TNFRSF13B: variants seen among roughly 807,000 people sequenced by gnomAD.
TNFRSF13B encodes the protein TNF receptor superfamily member 13B.
Under a neutral mutation model 24.0 loss-of-function variants are expected in TNFRSF13B, and 34 were observed. The ratio of observed to expected loss-of-function variants is 1.41; its 90% CI spans 1.08 to 1.88. The LOEUF is 1.88. Ranked by LOEUF, TNFRSF13B falls within the 40% of genes most tolerant of loss-of-function variation. The pLI is 0.00. For missense variants in TNFRSF13B, 415 were observed against 380.8 expected, an observed-to-expected ratio of 1.09 and a Z score of -0.75; for synonymous variants, 173 against 150.3, an observed-to-expected ratio of 1.15 and a Z score of -1.10.
chr17:16,943,587 C>T (rs1005294662), intron 3 of TNFRSF13B, among the ~76,000 whole-genome samples: 13 of 152,198 alleles, frequency 8.5e-5, no homozygotes, highest in African/African-American at 2.4e-4. Context: ...AGAGCTCTCC[C>T]CACAGCCCTG....
At position 16,941,036 on chromosome 17, in the gene TNFRSF13B, C is replaced by T. The variant is rs1294438490; in HGVS notation, c.446-525G>A. The T allele has an allele frequency of 1.0e-5, 7 of 682,470 alleles. No homozygotes were observed. The East Asian group carries it at 5.7e-4, about 55-fold the overall frequency. 42.3% of individuals were successfully genotyped at this position (682,470 alleles called of 1,614,324 possible). On this transcript the variant is annotated intron_variant, in intron 3 of 4. Coordinates refer to ENST00000261652, the MANE Select transcript of TNFRSF13B (RefSeq NM_012452.3). ...TTGCATATAACCTATGCACATCCTC[C>T]TATACAATTAGAGTCATCTCTAGAT...
intron 1 of TNFRSF13B, 97 bp downstream of exon 1, chr17:16,971,918 C>T (rs2087747636): frequency 1.6e-6 from 2 of 1,257,634 alleles, no homozygotes; most frequent in Admixed American, 3.4e-5. Context: ...CTGCTGTGGG[C>T]TTTGCACCTG....
chr17:16,963,589 A>G (rs1418979489), intron 1 of TNFRSF13B, among the ~76,000 whole-genome samples: 1 of 152,084 alleles, frequency 6.6e-6, no homozygotes, highest in East Asian at 1.9e-4. Flanking sequence ...TGGCACTGCC[A>G]CCCAGGCTGG....
intron 3 of TNFRSF13B, chr17:16,941,233 G>T: frequency 2.0e-6 from 2 of 987,498 alleles, no homozygotes; most frequent in Non-Finnish European, 2.4e-6. Context: ...GACATGGGTC[G>T]CACGACACAG....
chr17:16,967,149 A>G (rs1398404591), intron 1 of TNFRSF13B, among the ~76,000 whole-genome samples: 2 of 151,892 alleles, frequency 1.3e-5, no homozygotes, highest in East Asian at 3.9e-4. Flanking sequence ...AATTGCAGCA[A>G]CATTTGTAAT....
At chr17:16,956,718 G>T (rs2087627259) in intron 1 of TNFRSF13B, among the ~76,000 whole-genome samples, 1 of 152,252 alleles carries the variant, frequency 6.6e-6, no homozygotes, top group South Asian at 2.1e-4. Context: ...TAACAGACAT[G>T]CAGTAACCTC....
In TNFRSF13B at chr17:16,955,029, G is replaced by A. The variant is rs139945745; in HGVS notation, c.62-2446C>T. Among the ~76,000 whole-genome samples, 889 of 152,294 alleles carry A rather than the reference G, an allele frequency of 5.8e-3. 10 individuals are homozygous for A. Among genetic ancestry groups the A allele is most frequent in the African/African-American group, 0.021 (864 of 41,562 alleles). On this transcript the variant is annotated intron_variant, in intron 1 of 4. Coordinates refer to ENST00000261652, the MANE Select transcript of TNFRSF13B (RefSeq NM_012452.3). ...AGGAAATCAGAAGTCTCTGCTCTGG[G>A]AAAACAGACCCAAAGGAAAAGACCC...
intron 1 of TNFRSF13B, among the ~76,000 whole-genome samples, chr17:16,967,058 G>C (rs1353797867): frequency 6.6e-6 from 1 of 151,916 alleles, no homozygotes; most frequent in Non-Finnish European, 1.5e-5. Context: ...AGGCTGATCT[G>C]GAACTCCTGA....
chr17:16,952,638 G>A (rs932048653), intron 1 of TNFRSF13B, 55 bp from the exon 2 acceptor site: 6 of 1,613,050 alleles, frequency 3.7e-6, no homozygotes, highest in East Asian at 4.5e-5. Context: ...CCGGCCTCTT[G>A]TCCCTGATGG....
chr17:16,966,809 G>GT (rs1168060389), intron 1 of TNFRSF13B, among the ~76,000 whole-genome samples: 3 of 145,116 alleles, frequency 2.1e-5, no homozygotes, highest in African/African-American at 7.7e-5. Flanking sequence ...CACAACATTT[G>GT]GTTTTTTTTG....
Position 16,967,963 on chromosome 17 carries a change from G to T in TNFRSF13B, c.61+4052C>A, listed in dbSNP as rs186023787. On this transcript the variant is annotated intron_variant, in intron 1 of 4. Transcript: ENST00000261652. ...CCATCCTGGCTAACACGGTGAAACC[G>T]CATCTCTACTAAAAAAAAATACAAA... Among the ~76,000 whole-genome samples the T allele has an allele frequency of 4.0e-5, 6 of 149,602 alleles. No homozygotes were observed. The East Asian group carries it at 9.8e-4, about 24-fold the overall frequency.
intron 3 of TNFRSF13B, among the ~76,000 whole-genome samples, chr17:16,946,443 A>G (rs988828271): frequency 3.9e-5 from 6 of 152,180 alleles, no homozygotes; most frequent in Non-Finnish European, 7.3e-5. Context: ...AGGGTTAATT[A>G]GATCATTTCT....
intron 3 of TNFRSF13B, among the ~76,000 whole-genome samples, chr17:16,948,290 A>G (rs1162205401): frequency 6.6e-6 from 1 of 152,212 alleles, no homozygotes; most frequent in African/African-American, 2.4e-5. Flanking sequence ...CTTAGCATCA[A>G]GCAACATACC....
chr17:16,946,588 A>AT (rs1170823751), intron 3 of TNFRSF13B, among the ~76,000 whole-genome samples: 124 of 117,028 alleles, frequency 1.1e-3, no homozygotes, highest in South Asian at 5.0e-3. Context: ...TTATTTATTT[A>AT]TTTATTTATT....
intron 1 of TNFRSF13B, 103 bp from the exon 2 acceptor site, chr17:16,952,686 C>T (rs1205400010): frequency 6.5e-7 from 1 of 1,548,298 alleles, no homozygotes; most frequent in Non-Finnish European, 8.8e-7. Context: ...TTCGCACAGA[C>T]AACCTTTCTG....
intron 1 of TNFRSF13B, among the ~76,000 whole-genome samples, chr17:16,958,858 A>G (rs1175036784): frequency 6.6e-6 from 1 of 152,092 alleles, no homozygotes; most frequent in Non-Finnish European, 1.5e-5. Flanking sequence ...ATAGTCCTAC[A>G]CTAATATTGG....
At chr17:16,949,065 TAA>T (rs67234667) in intron 2 of TNFRSF13B, 82 bp from the exon 3 acceptor site, 63,226 of 1,318,350 alleles carry the variant, frequency 0.048, 1,545 homozygotes, top group South Asian at 0.12. Flanking sequence ...ACATCAAAGT[TAA>T]AAAAAAAAAT....
At chr17:16,962,874 C>T (rs969443250) in intron 1 of TNFRSF13B, among the ~76,000 whole-genome samples, 2 of 152,180 alleles carry the variant, frequency 1.3e-5, no homozygotes, top group Non-Finnish European at 2.9e-5. Flanking sequence ...GGGGAAGCTG[C>T]ATGCATGCAG....
chr17:16,962,085 A>G (rs2087666222), intron 1 of TNFRSF13B, among the ~76,000 whole-genome samples: 1 of 152,370 alleles, frequency 6.6e-6, no homozygotes. Context: ...ACCAGTGAAA[A>G]TACAGAAGTG....
Sources: allele counts gnomAD v4.1 joint callset (sites outside exome capture counted in the v4.1 genomes callset), GRCh38; gene constraint gnomAD v4.1.1; transcripts MANE v1.5; gene names NCBI Gene and HGNC (gene_info 2026-07-23, HGNC 2026-07-21).